HPN: variants seen among roughly 807,000 people sequenced by gnomAD.
HPN encodes serine protease hepsin.
A neutral mutation model predicts 55.9 loss-of-function variants in HPN; 13 were observed. That is an observed-to-expected ratio of 0.23 (90% CI 0.15 to 0.37). HPN has a LOEUF of 0.37. Ranked by LOEUF, HPN falls within the 10% of genes least tolerant of loss-of-function variation. The pLI is 1.00. For missense variants in HPN, 451 were observed against 575.8 expected, an observed-to-expected ratio of 0.78 and a Z score of 2.22; for synonymous variants, 225 against 240.3, an observed-to-expected ratio of 0.94 and a Z score of 0.59.
chr19:35,042,754 TCA>T (rs892855925), intron 2 of HPN, among the ~76,000 whole-genome samples: 1 of 152,070 alleles, frequency 6.6e-6, no homozygotes, highest in African/African-American at 2.4e-5. Flanking sequence ...GCGTGCTGCC[TCA>T]GTTTCCCCTC....
intron 10 of HPN, 69 bp downstream of exon 10, chr19:35,065,414 C>T: frequency 1.3e-6 from 2 of 1,566,580 alleles, no homozygotes; most frequent in Non-Finnish European, 1.7e-6. Context: ...GATGGGCAGT[C>T]TGGCTGGTTG....
At chr19:35,041,925 C>G (rs2064298160) in intron 1 of HPN, 53 bp downstream of exon 1, 5 of 1,273,716 alleles carry the variant, frequency 3.9e-6, no homozygotes, top group Non-Finnish European at 5.1e-6. Context: ...ACAGGGGTTC[C>G]CTCATCCCCC....
chr19:35,041,688 T>TCCCCCCCCCCCCCCCCCCCCCCCCCCCC, upstream of HPN: 3 of 638,112 alleles, frequency 4.7e-6, no homozygotes, highest in South Asian at 2.6e-5. Flanking sequence ...CCCCGCCCCT[T>TCCCCCCCCCCCCCCCCCCCCCCCCCCCC]CACCCGCCCC....
chr19:35,066,000 G>A lies in HPN; in HGVS notation c.1183G>A (p.Asp395Asn). The change falls in exon 12 of 13, where the codon GAC becomes AAC. Residue 395 changes from aspartate to asparagine, a missense_variant. Physicochemically the swap from Asp to Asn is conservative, Grantham distance 23. Transcript: ENST00000672452. ...QKPGVYTKVSDFREWIFQAIK... is the reference protein window; with the variant it reads ...QKPGVYTKVSNFREWIFQAIK... ...GCCAGGCGTCTACACCAAAGTCAGT[G>A]ACTTCCGGGAGTGGATCTTCCAGGC... 6.2e-7 allele frequency: 1 copy of A among 1,612,350 alleles called. No individual in the cohort carries two copies. The highest frequency in any genetic ancestry group is 8.5e-7 in the Non-Finnish European group (1 of 1,180,032).
chr19:35,045,537 G>A (rs761989199), intron 2 of HPN, among the ~76,000 whole-genome samples: 11 of 152,184 alleles, frequency 7.2e-5, no homozygotes, highest in Non-Finnish European at 1.6e-4. Context: ...GCATCCAGAG[G>A]GGCCTGGAGA....
chr19:35,058,136 G>C (rs769543589), intron 4 of HPN, among the ~76,000 whole-genome samples: 1 of 151,770 alleles, frequency 6.6e-6, no homozygotes, highest in Non-Finnish European at 1.5e-5. Context: ...CTGGACAACA[G>C]AGTGAGACTC....
rs1292889120 is a variant in HPN, at chr19:35,060,573, G to A, written c.621-54G>A. 1.7e-5 allele frequency: 28 copies of A among 1,611,888 alleles called. No homozygotes were observed. The South Asian group carries it at 3.1e-4, about 18-fold the overall frequency. Reference sequence around the variant, plus strand: ...CAGAGGAGCGGAGAGACAGTGGGGAGGAGGGCGGATTGTGCCCAGGCAGGT... The same window carrying A: ...CAGAGGAGCGGAGAGACAGTGGGGAAGAGGGCGGATTGTGCCCAGGCAGGT... On this transcript the variant is annotated intron_variant, in intron 8 of 12. Coordinates refer to ENST00000672452, the MANE Select transcript of HPN (RefSeq NM_001384133.1).
At chr19:35,060,300 G>A (rs368864332) in intron 7 of HPN, 47 bp from the exon 8 acceptor site, 144 of 1,607,696 alleles carry the variant, frequency 9.0e-5, no homozygotes, top group Middle Eastern at 5.0e-4. Context: ...CTGGGGACCT[G>A]GGCTCCAGTC....
chr19:35,047,557 C>T (rs1335694887), intron 2 of HPN, among the ~76,000 whole-genome samples: 1 of 152,164 alleles, frequency 6.6e-6, no homozygotes, highest in Admixed American at 6.5e-5. Flanking sequence ...CCACTCCCCA[C>T]CTACACGCAT....
chr19:35,051,471 C>T (rs1174634250), intron 4 of HPN, among the ~76,000 whole-genome samples: 1 of 152,106 alleles, frequency 6.6e-6, no homozygotes, highest in Non-Finnish European at 1.5e-5. Context: ...ATCTTGAACT[C>T]CTGAGCTCAA....
Position 35,041,737 on chromosome 19 carries a change from C to T in HPN, c.-190C>T, listed in dbSNP as rs1871102161. On this transcript the variant is annotated 5_prime_UTR_variant, in exon 1 of 13. Transcript: ENST00000672452. ...TCCTCCTCAGGTGAGGCAGCCTGGCCTAGCAGGCCCCACGCCACCGCCTCT... is the reference window on the plus strand; with the variant it reads ...TCCTCCTCAGGTGAGGCAGCCTGGCTTAGCAGGCCCCACGCCACCGCCTCT... 3 of 1,252,218 alleles carry T rather than the reference C, an allele frequency of 2.4e-6. No homozygotes were observed. Among genetic ancestry groups the T allele is most frequent in the Non-Finnish European group, 3.1e-6 (3 of 972,334 alleles). 77.6% of individuals were successfully genotyped at this position (1,252,218 alleles called of 1,614,324 possible). A position where few individuals can be genotyped will look rare whatever the true frequency, so the allele number is the denominator to read the frequency against.
chr19:35,060,119 T>G lies in HPN; in HGVS notation c.414-10T>G. The G allele has an allele frequency of 6.2e-7, 1 of 1,614,126 alleles. No homozygotes were observed. Among genetic ancestry groups the G allele is most frequent in the Non-Finnish European group, 8.5e-7 (1 of 1,180,010 alleles). Reference sequence around the variant, plus strand: ...CTTTCTTTCTGTGTCTCCAATCCCATCTCTCCCAGTGATTGCCCCAGAGGC... The same window carrying G: ...CTTTCTTTCTGTGTCTCCAATCCCAGCTCTCCCAGTGATTGCCCCAGAGGC... On this transcript the variant is annotated splice_polypyrimidine_tract_variant and intron_variant, in intron 6 of 12. Transcript: ENST00000672452.
At chr19:35,048,079 A>AG (rs2064365343) in intron 2 of HPN, among the ~76,000 whole-genome samples, 1 of 54,132 alleles carries the variant, frequency 1.8e-5, no homozygotes, top group African/African-American at 7.5e-5. Flanking sequence ...AAAGAAAGAA[A>AG]GAAAAGGAAG....
At chr19:35,043,116 C>T (rs921437372) in intron 2 of HPN, among the ~76,000 whole-genome samples, 1 of 152,166 alleles carries the variant, frequency 6.6e-6, no homozygotes, top group Non-Finnish European at 1.5e-5. Context: ...AGACCCAGGA[C>T]CCCCACCGAT....
Position 35,065,276 on chromosome 19 carries a change from G to T in HPN, c.838G>T (p.Ala280Ser), listed in dbSNP as rs763393337. The change falls in exon 10 of 13, where the codon GCT (alanine) becomes TCT (serine). Residue 280 changes from alanine (A) to serine (S), a missense_variant. Coordinates refer to ENST00000672452, the MANE Select transcript of HPN (RefSeq NM_001384133.1). Reference protein sequence around the residue: ...TEYIQPVCLPAAGQALVDGKI... With the variant: ...TEYIQPVCLPSAGQALVDGKI... The stretch of plus-strand genomic sequence containing the variant: ...ATACATCCAGCCTGTGTGCCTCCCA[G>T]CTGCCGGCCAGGCCCTGGTGGATGG... 1 of 1,613,954 alleles carries T rather than the reference G, an allele frequency of 6.2e-7. No individual in the cohort carries two copies.
At chr19:35,052,714 C>A (rs1328635060) in intron 4 of HPN, among the ~76,000 whole-genome samples, 1 of 152,136 alleles carries the variant, frequency 6.6e-6, no homozygotes, top group Non-Finnish European at 1.5e-5. Context: ...CCGGTAAAAC[C>A]CTCCTCACTC....
At chr19:35,041,708 C>T (rs2064295313), upstream of HPN, 10 of 1,160,896 alleles carry the variant, frequency 8.6e-6, no homozygotes, top group Non-Finnish European at 1.1e-5. Flanking sequence ...CTCGCCCAGC[C>T]CCCTCCTCCT....
intron 9 of HPN, among the ~76,000 whole-genome samples, chr19:35,065,007 A>C (rs550096103): frequency 8.5e-5 from 13 of 152,086 alleles, no homozygotes; most frequent in Non-Finnish European, 1.6e-4. Context: ...TTTTTAGTAG[A>C]GATGAGGTTT....
At chr19:35,058,610 AATATT>A (rs1251623034) in intron 4 of HPN, among the ~76,000 whole-genome samples, 5 of 145,720 alleles carry the variant, frequency 3.4e-5, no homozygotes, top group East Asian at 2.1e-4. Context: ...ACAATATATT[AATATT>A]ATATTATAAC....
Sources: allele counts gnomAD v4.1 joint callset (sites outside exome capture counted in the v4.1 genomes callset), GRCh38; gene constraint gnomAD v4.1.1; transcripts MANE v1.5; gene names NCBI Gene and HGNC (gene_info 2026-07-23, HGNC 2026-07-21).